Variants in LYL1 observed in about 807,000 individuals in gnomAD.
The protein encoded by LYL1 is LYL1 basic helix-loop-helix family member, also known as protein lyl-1.
In LYL1, 4 loss-of-function variants were observed where a neutral mutation model predicts 11.1. The observed-to-expected ratio is 0.36, with a 90% CI of 0.18 to 0.82. The LOEUF (loss-of-function observed/expected upper bound fraction) is 0.82, where lower values mean the gene tolerates loss of function less well. Ranked by LOEUF, LYL1 falls within the 40% of genes least tolerant of loss-of-function variation. LYL1 has a pLI of 0.49. For synonymous variants in LYL1, 179 were observed against 174.8 expected, an observed-to-expected ratio of 1.02 and a Z score of -0.19; for missense variants, 356 against 397.6, an observed-to-expected ratio of 0.90 and a Z score of 0.89.
At position 13,101,176 on chromosome 19, in the gene LYL1, C is replaced by A; in HGVS notation, c.-5G>T. On this transcript the variant is annotated 5_prime_UTR_variant, in exon 2 of 4. Coordinates refer to ENST00000264824, the MANE Select transcript of LYL1 (RefSeq NM_005583.5). The surrounding 1 kb of genome is among the most constrained non-coding windows in gnomAD (Gnocchi z 5.1). ...CTGTGCCTGAGGCGGGCACATGGAC[C>A]CCGACGTGGGGGTACTCACCTGTGG... The A allele has an allele frequency of 7.0e-7, 1 of 1,432,384 alleles. No individual in the cohort carries two copies. Among genetic ancestry groups the A allele is most frequent in the Non-Finnish European group, 9.1e-7 (1 of 1,093,250 alleles). 88.7% of individuals were successfully genotyped at this position (1,432,384 alleles called of 1,614,324 possible). A position where few individuals can be genotyped will look rare whatever the true frequency, so the allele number is the denominator to read the frequency against.
At position 13,099,820 on chromosome 19, in the gene LYL1, G is replaced by A. The variant is rs567583630; in HGVS notation, c.428-86C>T. On this transcript the variant is annotated intron_variant, in intron 3 of 3. Coordinates refer to ENST00000264824, the MANE Select transcript of LYL1 (RefSeq NM_005583.5). This position sits in a 1 kb window ranked among gnomAD's most constrained non-coding sequence, Gnocchi z 5.3. ...CGCTAGACACGCAGCACCCTCGTGG[G>A]AACTTAAACCCAGGCCATGGGCTGG... 5.8e-5 allele frequency: 72 copies of A among 1,244,632 alleles called. No individual in the cohort carries two copies. In the South Asian group the frequency reaches 1.1e-3, roughly 19 times the overall value. 77.1% of individuals were successfully genotyped at this position (1,244,632 alleles called of 1,614,324 possible). A position where few individuals can be genotyped will look rare whatever the true frequency, so the allele number is the denominator to read the frequency against.
Position 13,101,359 on chromosome 19 carries a change from T to G in LYL1, c.-24-164A>C. The G allele has an allele frequency of 6.2e-5, 25 of 402,920 alleles. No individual in the cohort carries two copies. The highest frequency in any genetic ancestry group is 7.8e-5 in the South Asian group (1 of 12,750). 25.0% of individuals were successfully genotyped at this position (402,920 alleles called of 1,614,324 possible). ...AGATGGCGGGGGCAGGCCCAGAAAC[T>G]TCCAGGACACGGGAGGGGGGTCCTA... On this transcript the variant is annotated intron_variant, in intron 1 of 3. Coordinates refer to ENST00000264824, the MANE Select transcript of LYL1 (RefSeq NM_005583.5). The surrounding 1 kb of genome is among the most constrained non-coding windows in gnomAD (Gnocchi z 5.1).
chr19:13,101,091 C>T lies in LYL1; in HGVS notation c.81G>A (p.Ala27=), dbSNP rs771711636. ...AGGCAGGCTTAGGGGGTGGGGCAGGCGCTGGGCTGGGGGCACACACCATCT... is the reference window on the plus strand; with the variant it reads ...AGGCAGGCTTAGGGGGTGGGGCAGGTGCTGGGCTGGGGGCACACACCATCT... ...KAEMVCAPSP[A]PAPPPKPASP... Residue 27 remains alanine (A), a synonymous_variant, in exon 2 of 4, where the codon GCG becomes GCA. Transcript: ENST00000264824. The surrounding 1 kb of genome is among the most constrained non-coding windows in gnomAD (Gnocchi z 5.1). 1.7e-5 allele frequency: 25 copies of T among 1,485,750 alleles called. No individual in the cohort carries two copies. The Admixed American group carries it at 2.3e-4, about 13-fold the overall frequency. 92.0% of individuals were successfully genotyped at this position (1,485,750 alleles called of 1,614,324 possible).
At position 13,101,307 on chromosome 19, in the gene LYL1, A is replaced by T; in HGVS notation, c.-24-112T>A. On this transcript the variant is annotated intron_variant, in intron 1 of 3. Transcript: ENST00000264824. This position sits in a 1 kb window ranked among gnomAD's most constrained non-coding sequence, Gnocchi z 5.1. ...GAGGGAGGGGGAGGGGGAAAGGAGG[A>T]GGAGAGAAGTTTCAGTAGGCAAAGG... 4.8e-6 allele frequency: 2 copies of T among 412,644 alleles called. No individual in the cohort carries two copies. The highest frequency in any genetic ancestry group is 8.4e-6 in the Non-Finnish European group (2 of 239,436). The allele number at this position is 412,644 out of a possible 1,614,324, so 25.6% of individuals were successfully genotyped here.
Position 13,101,488 on chromosome 19 carries a change from T to C in LYL1, c.-24-293A>G, listed in dbSNP as rs28494849. The C allele has an allele frequency of 3.0e-3, 999 of 332,236 alleles. 9 individuals are homozygous for C. The highest frequency in any genetic ancestry group is 0.02 in the African/African-American group (947 of 47,574). 20.6% of individuals were successfully genotyped at this position (332,236 alleles called of 1,614,324 possible). A position where few individuals can be genotyped will look rare whatever the true frequency, so the allele number is the denominator to read the frequency against. ...TGCCCAGCCTCTGAGCAAATATTCC[T>C]TCTTCCAGAATTCCCTCACCTCTGC... On this transcript the variant is annotated intron_variant, in intron 1 of 3. Coordinates refer to ENST00000264824, the MANE Select transcript of LYL1 (RefSeq NM_005583.5). The surrounding 1 kb of genome is among the most constrained non-coding windows in gnomAD (Gnocchi z 5.1).
At position 13,102,757 on chromosome 19, in the gene LYL1, C is replaced by A. The variant is rs2018704572; in HGVS notation, c.-251G>T. On this transcript the variant is annotated 5_prime_UTR_variant, in exon 1 of 4. Transcript: ENST00000264824. This position sits in a 1 kb window ranked among gnomAD's most constrained non-coding sequence, Gnocchi z 4.9. ...TCCCCCCCAGGGAAAGTGAGCGGCT[C>A]CCGGGCCGGCCCGCCTTCTCCCCGC... 1 of 153,216 alleles carries A rather than the reference C, an allele frequency of 6.5e-6. No individual in the cohort carries two copies. The highest frequency in any genetic ancestry group is 2.1e-4 in the South Asian group (1 of 4,836). The allele number at this position is 153,216 out of a possible 1,614,324, so 9.5% of individuals were successfully genotyped here.
Position 13,099,478 on chromosome 19 carries a change from G to T in LYL1, c.684C>A (p.His228Gln). 7.6e-7 allele frequency: 1 copy of T among 1,313,692 alleles called. No individual in the cohort carries two copies. The allele number at this position is 1,313,692 out of a possible 1,614,324, so 81.4% of individuals were successfully genotyped here. The stretch of plus-strand genomic sequence containing the variant: ...GGCGGGCGCCGTCGTCTGGGACCCG[G>T]TGCACCGGCCGTTTGCGAGGCCCGG... ...TPPGPRKRPV[H>Q]RVPDDGARRG... is the part of the protein sequence containing the mutation. The change falls in exon 4 of 4, where the codon CAC becomes CAA. Residue 228 changes from histidine (H) to glutamine (Q), a missense_variant. Transcript: ENST00000264824. This position sits in a 1 kb window ranked among gnomAD's most constrained non-coding sequence, Gnocchi z 5.3.
chr19:13,101,002 G>A lies in LYL1; in HGVS notation c.170C>T (p.Pro57Leu), dbSNP rs1262156186. Residue 57 changes from proline (P) to leucine (L), a missense_variant, in exon 2 of 4, where the codon CCA becomes CTA. Pro to Leu is a moderately conservative substitution (Grantham distance 98). Coordinates refer to ENST00000264824, the MANE Select transcript of LYL1 (RefSeq NM_005583.5). This position sits in a 1 kb window ranked among gnomAD's most constrained non-coding sequence, Gnocchi z 5.1. ...HRGGSSPPRL[P>L]PGVPVISLGH... is the part of the protein sequence containing the mutation. The stretch of plus-strand genomic sequence containing the variant: ...CAGGCTGATCACTGGTACACCAGGT[G>A]GCAGCCTGGGGGGCGAGGAGCCTCC... The A allele has an allele frequency of 6.8e-7, 1 of 1,475,804 alleles. No homozygotes were observed. The allele number at this position is 1,475,804 out of a possible 1,614,324, so 91.4% of individuals were successfully genotyped here.
In LYL1 at chr19:13,101,035, C is replaced by T. The variant is rs770857160; in HGVS notation, c.137G>A (p.Gly46Asp). Residue 46 changes from glycine (G) to aspartate (D), a missense_variant, in exon 2 of 4, where the codon GGC becomes GAC. By Grantham distance (94) the Gly-to-Asp change is moderately conservative. Transcript: ENST00000264824. The surrounding 1 kb of genome is among the most constrained non-coding windows in gnomAD (Gnocchi z 5.1). ...SPGPPQVEEVGHRGGSSPPRL... is the reference protein window; with the variant it reads ...SPGPPQVEEVDHRGGSSPPRL... The stretch of plus-strand genomic sequence containing the variant: ...GGGGGGCGAGGAGCCTCCTCGGTGG[C>T]CCACCTCCTCCACCTGCGGGGGCCC... The T allele has an allele frequency of 8.8e-6, 13 of 1,480,460 alleles. No individual in the cohort carries two copies. The highest frequency in any genetic ancestry group is 2.7e-6 in the Non-Finnish European group (3 of 1,116,912). 91.7% of individuals were successfully genotyped at this position (1,480,460 alleles called of 1,614,324 possible).
At position 13,100,937 on chromosome 19, in the gene LYL1, C is replaced by T. The variant is rs1438996515; in HGVS notation, c.235G>A (p.Glu79Lys). ...RPPGVAMPTT[E>K]LGTLRPPLLQ... ...AGCGGGGGCCGCAGAGTGCCCAGCT[C>T]TGTGGTGGGCATGGCTACCCCTGGG... is the stretch of plus-strand genomic sequence containing the variant. The change falls in exon 2 of 4, where the codon GAG becomes AAG. Residue 79 changes from glutamate to lysine, a missense_variant. Transcript: ENST00000264824. The T allele has an allele frequency of 6.5e-7, 1 of 1,529,046 alleles. No individual in the cohort carries two copies. The allele number at this position is 1,529,046 out of a possible 1,614,324, so 94.7% of individuals were successfully genotyped here.
chr19:13,101,548 CT>C lies in LYL1; in HGVS notation c.-24-354del. On this transcript the variant is annotated intron_variant, in intron 1 of 3. Coordinates refer to ENST00000264824, the MANE Select transcript of LYL1 (RefSeq NM_005583.5). The surrounding 1 kb of genome is among the most constrained non-coding windows in gnomAD (Gnocchi z 5.1). ...AGGGAACAAGACAGGGAGCCCCTAA[CT>C]GATCCTGGGATCCCCAGAAACCCCA... 1 of 262,698 alleles carries C rather than the reference CT, an allele frequency of 3.8e-6. No individual in the cohort carries two copies. Among genetic ancestry groups the C allele is most frequent in the Non-Finnish European group, 7.2e-6 (1 of 138,938 alleles). The allele number at this position is 262,698 out of a possible 1,614,324, so 16.3% of individuals were successfully genotyped here. A position where few individuals can be genotyped will look rare whatever the true frequency, so the allele number is the denominator to read the frequency against.
Position 13,099,184 on chromosome 19 carries a change from G to T in LYL1, c.*135C>A. On this transcript the variant is annotated 3_prime_UTR_variant, in exon 4 of 4. Coordinates refer to ENST00000264824, the MANE Select transcript of LYL1 (RefSeq NM_005583.5). This position sits in a 1 kb window ranked among gnomAD's most constrained non-coding sequence, Gnocchi z 5.3. Reference sequence around the variant, plus strand: ...CACCCTTCCGGACCCCCGAGACCTTGCCCCTGACGTCTTCACTGGTCCTTC... The same window carrying T: ...CACCCTTCCGGACCCCCGAGACCTTTCCCCTGACGTCTTCACTGGTCCTTC... The T allele has an allele frequency of 1.3e-6, 1 of 798,840 alleles. No homozygotes were observed. Among genetic ancestry groups the T allele is most frequent in the Non-Finnish European group, 1.7e-6 (1 of 594,766 alleles). 49.5% of individuals were successfully genotyped at this position (798,840 alleles called of 1,614,324 possible).
Position 13,102,163 on chromosome 19 carries a change from A to G in LYL1, c.-25+368T>C, listed in dbSNP as rs2018695376. 2 of 202,634 alleles carry G rather than the reference A, an allele frequency of 9.9e-6. No individual in the cohort carries two copies. The highest frequency in any genetic ancestry group is 1.9e-4 in the South Asian group (1 of 5,294). The allele number at this position is 202,634 out of a possible 1,614,324, so 12.6% of individuals were successfully genotyped here. A position where few individuals can be genotyped will look rare whatever the true frequency, so the allele number is the denominator to read the frequency against. On this transcript the variant is annotated intron_variant, in intron 1 of 3. Coordinates refer to ENST00000264824, the MANE Select transcript of LYL1 (RefSeq NM_005583.5). This position sits in a 1 kb window ranked among gnomAD's most constrained non-coding sequence, Gnocchi z 4.9. ...ATTTAAAAAAAAAAATTTTTTTTGT[A>G]GAGGCAGGTTCTCACTCTGTTGTCC...
At position 13,099,503 on chromosome 19, in the gene LYL1, G is replaced by A; in HGVS notation, c.659C>T (p.Pro220Leu). 7.1e-7 allele frequency: 1 copy of A among 1,400,132 alleles called. No homozygotes were observed. 86.7% of individuals were successfully genotyped at this position (1,400,132 alleles called of 1,614,324 possible). A position where few individuals can be genotyped will look rare whatever the true frequency, so the allele number is the denominator to read the frequency against. ...GTGCACCGGCCGTTTGCGAGGCCCG[G>A]GAGGGGTGGGGCCTGCGGCCAGAGC... ...AAALAAGPTP[P>L]GPRKRPVHRV... Residue 220 changes from proline (P) to leucine (L), a missense_variant, in exon 4 of 4, where the codon CCC becomes CTC. Coordinates refer to ENST00000264824, the MANE Select transcript of LYL1 (RefSeq NM_005583.5). The surrounding 1 kb of genome is among the most constrained non-coding windows in gnomAD (Gnocchi z 5.3).
chr19:13,101,826 C>T lies in LYL1; in HGVS notation c.-24-631G>A, dbSNP rs1031357230. ...ACTGCAAACATCCCCCATAGCAACCCTGTGACCCCACTACTGACACTATGA... is the reference window on the plus strand; with the variant it reads ...ACTGCAAACATCCCCCATAGCAACCTTGTGACCCCACTACTGACACTATGA... On this transcript the variant is annotated intron_variant, in intron 1 of 3. Coordinates refer to ENST00000264824, the MANE Select transcript of LYL1 (RefSeq NM_005583.5). The surrounding 1 kb of genome is among the most constrained non-coding windows in gnomAD (Gnocchi z 5.1). 8 of 232,260 alleles carry T rather than the reference C, an allele frequency of 3.4e-5. No homozygotes were observed. Among genetic ancestry groups the T allele is most frequent in the African/African-American group, 1.8e-4 (8 of 45,200 alleles). 14.4% of individuals were successfully genotyped at this position (232,260 alleles called of 1,614,324 possible).
intron 3 of LYL1, 137 bp downstream of exon 3, chr19:13,100,516 CTGTG>C: frequency 1.2e-6 from 1 of 824,984 alleles, no homozygotes; most frequent in Non-Finnish European, 2.1e-6. Flanking sequence ...GGGCTGTTCT[CTGTG>C]TGTGCTGGAA....
Position 13,100,881 on chromosome 19 carries a change from C to CG in LYL1, c.290dup (p.Pro98AlafsTer25). 1 of 1,566,022 alleles carries CG rather than the reference C, an allele frequency of 6.4e-7. No homozygotes were observed. The highest frequency in any genetic ancestry group is 8.7e-7 in the Non-Finnish European group (1 of 1,155,624). The stretch of plus-strand genomic sequence containing the variant: ...GGTGGTAGTGCAGGGCCAAAGTGGG[C>CG]GGGGCAGTTCCCAGGGTGGAGAGTT... On this transcript the variant is annotated frameshift_variant, in exon 2 of 4. Transcript: ENST00000264824. LOFTEE classifies it high-confidence loss of function.
Position 13,099,642 on chromosome 19 carries a change from T to C in LYL1, c.520A>G (p.Arg174Gly), listed in dbSNP as rs758241204. ...QNVNGAFAEL[R>G]KLLPTHPPDR... is the part of the protein sequence containing the mutation. ...GGCGGGTGCGTCGGCAGCAGCTTCCTCAGCTCGGCGAAGGCGCCGTTAACG... is the reference window on the plus strand; with the variant it reads ...GGCGGGTGCGTCGGCAGCAGCTTCCCCAGCTCGGCGAAGGCGCCGTTAACG... The change falls in exon 4 of 4, where the codon AGG (arginine) becomes GGG (glycine). Residue 174 changes from arginine (R) to glycine (G), a missense_variant. Transcript: ENST00000264824. This position sits in a 1 kb window ranked among gnomAD's most constrained non-coding sequence, Gnocchi z 5.3. The C allele has an allele frequency of 1.3e-6, 2 of 1,555,128 alleles. No individual in the cohort carries two copies. Among genetic ancestry groups the C allele is most frequent in the Non-Finnish European group, 8.7e-7 (1 of 1,150,072 alleles).
Position 13,099,841 on chromosome 19 carries a change from G to C in LYL1, c.428-107C>G. 6.7e-6 allele frequency: 7 copies of C among 1,040,814 alleles called. No homozygotes were observed. The highest frequency in any genetic ancestry group is 1.9e-5 in the South Asian group (1 of 52,406). 64.5% of individuals were successfully genotyped at this position (1,040,814 alleles called of 1,614,324 possible). A position where few individuals can be genotyped will look rare whatever the true frequency, so the allele number is the denominator to read the frequency against. ...GTGGGAACTTAAACCCAGGCCATGGGCTGGGGCTTTCTCCACCCAAGGGGT... is the reference window on the plus strand; with the variant it reads ...GTGGGAACTTAAACCCAGGCCATGGCCTGGGGCTTTCTCCACCCAAGGGGT... On this transcript the variant is annotated intron_variant, in intron 3 of 3. Transcript: ENST00000264824. This position sits in a 1 kb window ranked among gnomAD's most constrained non-coding sequence, Gnocchi z 5.3.
Sources: allele counts gnomAD v4.1 joint callset, GRCh38; gene constraint gnomAD v4.1.1; non-coding constraint Gnocchi (gnomAD v3.1); transcripts MANE v1.5; gene names NCBI Gene and HGNC (gene_info 2026-07-23, HGNC 2026-07-21).